The following RAB20 variants were observed in gnomAD, a reference collection of about 807,000 sequenced individuals.
RAB20 encodes ras-related protein Rab-20.
A neutral mutation model predicts 3.7 loss-of-function variants in RAB20; 2 were observed. That is an observed-to-expected ratio of 0.54 (90% CI 0.22 to 1.69). The LOEUF (loss-of-function observed/expected upper bound fraction) is 1.69, where lower values mean the gene tolerates loss of function less well. RAB20 is among the 40% of genes most tolerant of loss of function. RAB20 has a pLI of 0.19. For missense variants in RAB20, 276 were observed against 311.9 expected (o/e 0.88, Z 0.87); for synonymous variants, 126 against 130.8 (o/e 0.96, Z 0.25).
Position 110,545,140 on chromosome 13 carries a change from T to TTA in RAB20, c.172+16206_172+16207dup, listed in dbSNP as rs201971919. On this transcript the variant is annotated intron_variant, in intron 1 of 1. Transcript: ENST00000267328. ...CTTCCCAGTCTCGGTTATGTCTTTA[T>TTA]TAGCAGCATGAACACGGATTAACAC... Among the ~76,000 whole-genome samples, 1,362 of 152,288 alleles carry TTA rather than the reference T, an allele frequency of 8.9e-3. 11 individuals carry two copies. Among genetic ancestry groups the TTA allele is most frequent in the Admixed American group, 0.015 (231 of 15,300 alleles).
At chr13:110,537,951 G>A (rs1030254061) in intron 1 of RAB20, among the ~76,000 whole-genome samples, 2 of 152,070 alleles carry the variant, frequency 1.3e-5, no homozygotes, top group East Asian at 1.9e-4. Context: ...ATCAGCTTCA[G>A]GTCCTCCACC....
rs185112104 is a variant in RAB20 at position 110,534,996 on chromosome 13, G to A, written c.173-10799C>T. On this transcript the variant is annotated intron_variant, in intron 1 of 1. Coordinates refer to ENST00000267328, the MANE Select transcript of RAB20 (RefSeq NM_017817.3). ...CTACAGGTGTGTACCACCACGCCTG[G>A]CTAATTTTTTAATTTTTAGTAGAGA... is the stretch of plus-strand genomic sequence containing the variant. Among the ~76,000 whole-genome samples the A allele has an allele frequency of 2.3e-5, 3 of 130,798 alleles. No homozygotes were observed. In the South Asian group the frequency reaches 7.2e-4, roughly 32 times the overall value. The allele number at this position is 130,798 out of a possible 152,430, so 85.8% of individuals were successfully genotyped here.
In RAB20 at chr13:110,555,455, T is replaced by C. The variant is rs910235394; in HGVS notation, c.172+5893A>G. On this transcript the variant is annotated intron_variant, in intron 1 of 1. Transcript: ENST00000267328. The surrounding 1 kb of genome is among the most constrained non-coding windows in gnomAD (Gnocchi z 4.0). ...GCACCCTGATCCCTTCTCAGGTGGC[T>C]CAGCCATCAGCATCCTCTAAAGAGG... 2.0e-5 allele frequency among the ~76,000 whole-genome samples: 3 copies of C among 152,160 alleles called. No homozygotes were observed. Among genetic ancestry groups the C allele is most frequent in the Non-Finnish European group, 4.4e-5 (3 of 68,032 alleles).
chr13:110,525,498 C>T (rs948367654), intron 1 of RAB20, among the ~76,000 whole-genome samples: 1 of 152,240 alleles, frequency 6.6e-6, no homozygotes, highest in Non-Finnish European at 1.5e-5. Flanking sequence ...GCTCACCTCC[C>T]CACCAGCAGG....
At chr13:110,558,576 T>C (rs1353169321) in intron 1 of RAB20, among the ~76,000 whole-genome samples, 1 of 151,224 alleles carries the variant, frequency 6.6e-6, no homozygotes, top group Non-Finnish European at 1.5e-5. Flanking sequence ...TAGACACGGG[T>C]TCACCACATT....
At chr13:110,545,797 T>C (rs1013010899) in intron 1 of RAB20, among the ~76,000 whole-genome samples, 3 of 152,206 alleles carry the variant, frequency 2.0e-5, no homozygotes, top group African/African-American at 7.2e-5. Flanking sequence ...TAGGAGTCTG[T>C]AAAATATGCC....
In RAB20 at chr13:110,524,180, C is replaced by A. The variant is rs374317935; in HGVS notation, c.190G>T (p.Gly64Cys). ...WDTAGREQFH[G>C]LGSMYCRGAA... is the part of the protein sequence containing the mutation. ...CCCCGGCAGTACATGGAGCCCAGGC[C>A]GTGGAACTGCTCCCGCCCTGGTGGG... Residue 64 changes from glycine to cysteine, a missense_variant, in exon 2 of 2, where the codon GGC (glycine) becomes TGC (cysteine). Coordinates refer to ENST00000267328, the MANE Select transcript of RAB20 (RefSeq NM_017817.3). The A allele has an allele frequency of 2.5e-6, 4 of 1,595,458 alleles. No homozygotes were observed. In the African/African-American group the frequency reaches 5.3e-5, roughly 21 times the overall value.
At chr13:110,556,784 A>G (rs772886704) in intron 1 of RAB20, among the ~76,000 whole-genome samples, 24 of 152,210 alleles carry the variant, frequency 1.6e-4, no homozygotes, top group Admixed American at 3.3e-4. Flanking sequence ...CTTTCACTTC[A>G]GCCTCCTAAA....
At chr13:110,525,773 C>T (rs1484484305) in intron 1 of RAB20, among the ~76,000 whole-genome samples, 5 of 152,220 alleles carry the variant, frequency 3.3e-5, no homozygotes, top group East Asian at 1.9e-4. Context: ...ACACATCTGC[C>T]GCACTGGGGG....
chr13:110,549,578 T>C (rs1594137500), intron 1 of RAB20, among the ~76,000 whole-genome samples: 1 of 152,350 alleles, frequency 6.6e-6, no homozygotes, highest in East Asian at 1.9e-4. Flanking sequence ...AATCTGATTG[T>C]GGGTCATTAG....
rs767214940 is a variant in RAB20, at chr13:110,536,730, G to GA, written c.173-12534_173-12533insT. Reference sequence around the variant, plus strand: ...TAAAATGGCTTTTTTTTGGGGCGGTGGGGGGGGGTTGTTTTTATGTTTATT... The same window carrying GA: ...TAAAATGGCTTTTTTTTGGGGCGGTGAGGGGGGGGTTGTTTTTATGTTTATT... On this transcript the variant is annotated intron_variant, in intron 1 of 1. Transcript: ENST00000267328. Among the ~76,000 whole-genome samples, 606 of 89,312 alleles carry GA rather than the reference G, an allele frequency of 6.8e-3. 167 individuals are homozygous for GA. The highest frequency in any genetic ancestry group is 9.8e-3 in the Non-Finnish European group (486 of 49,550). 58.6% of individuals were successfully genotyped at this position (89,312 alleles called of 152,430 possible). A position where few individuals can be genotyped will look rare whatever the true frequency, so the allele number is the denominator to read the frequency against.
At chr13:110,546,823 A>G (rs1232125231) in intron 1 of RAB20, among the ~76,000 whole-genome samples, 1 of 151,470 alleles carries the variant, frequency 6.6e-6, no homozygotes, top group African/African-American at 2.4e-5. Context: ...CTGCAGCTTC[A>G]AACTCCCAGA....
chr13:110,552,692 CAAATAAAT>C (rs199741920), intron 1 of RAB20, among the ~76,000 whole-genome samples: 64,203 of 144,564 alleles, frequency 0.44, 15,861 homozygotes, highest in Admixed American at 0.57. Context: ...GACTCCATCT[CAAATAAAT>C]AAATAAATAA....
chr13:110,533,165 G>A (rs1884574489), intron 1 of RAB20, among the ~76,000 whole-genome samples: 1 of 152,252 alleles, frequency 6.6e-6, no homozygotes, highest in Admixed American at 6.5e-5. Flanking sequence ...TAGAGGAGCT[G>A]TGACACACTT....
At chr13:110,529,145 A>C (rs1884484871) in intron 1 of RAB20, among the ~76,000 whole-genome samples, 1 of 152,238 alleles carries the variant, frequency 6.6e-6, no homozygotes, top group Non-Finnish European at 1.5e-5. Flanking sequence ...GAGTGAACAT[A>C]AGACAATGAA....
chr13:110,528,222 G>A (rs966855229), intron 1 of RAB20, among the ~76,000 whole-genome samples: 2 of 151,700 alleles, frequency 1.3e-5, no homozygotes, highest in African/African-American at 4.8e-5. Context: ...TTCGAGACCA[G>A]CCTGACCAAC....
intron 1 of RAB20, among the ~76,000 whole-genome samples, chr13:110,529,420 T>C (rs147314613): frequency 5.7e-4 from 87 of 152,272 alleles, no homozygotes; most frequent in Middle Eastern, 3.4e-3. Flanking sequence ...TCTATCTCTA[T>C]TGCCTTCTCC....
At chr13:110,531,263 AGGGCCCCTTTGAGGT>A (rs1884535813) in intron 1 of RAB20, among the ~76,000 whole-genome samples, 1 of 152,212 alleles carries the variant, frequency 6.6e-6, no homozygotes, top group South Asian at 2.1e-4. Flanking sequence ...GAAGGGGCCT[AGGGCCCCTTTGAGGT>A]GGGCTGCTGG....
At chr13:110,548,470 T>C (rs1884892601) in intron 1 of RAB20, among the ~76,000 whole-genome samples, 1 of 44,122 alleles carries the variant, frequency 2.3e-5, no homozygotes, top group Non-Finnish European at 9.2e-5. Context: ...GGCAAGAGAA[T>C]GAAACTGTCT....
Sources: allele counts gnomAD v4.1 joint callset (sites outside exome capture counted in the v4.1 genomes callset), GRCh38; gene constraint gnomAD v4.1.1; non-coding constraint Gnocchi (gnomAD v3.1); transcripts MANE v1.5; gene names NCBI Gene and HGNC (gene_info 2026-07-23, HGNC 2026-07-21).